Variants in ITPR2 observed in about 807,000 individuals in gnomAD.
ITPR2 encodes inositol 1,4,5-trisphosphate-gated calcium channel ITPR2.
Under a neutral mutation model 317.1 loss-of-function variants are expected in ITPR2, and 207 were observed. That is an observed-to-expected ratio of 0.65 (90% CI 0.58 to 0.73). ITPR2 has a LOEUF of 0.73. ITPR2 is among the 30% of genes least tolerant of loss of function. The pLI is 0.00. For missense variants in ITPR2, 2,613 were observed against 3,284.0 expected, an observed-to-expected ratio of 0.80 and a Z score of 4.99; for synonymous variants, 1,156 against 1,149.1, an observed-to-expected ratio of 1.01 and a Z score of -0.12.
intron 23 of ITPR2, among the ~76,000 whole-genome samples, chr12:26,626,358 T>C (rs1946625303): frequency 1.3e-5 from 2 of 152,282 alleles, no homozygotes; most frequent in South Asian, 4.1e-4. Flanking sequence ...GGAAAAATAA[T>C]TCTCCCCAGA....
At chr12:26,785,068 A>T (rs1308170305) in intron 2 of ITPR2, among the ~76,000 whole-genome samples, 1 of 32,168 alleles carries the variant, frequency 3.1e-5, no homozygotes, top group African/African-American at 7.6e-5. Flanking sequence ...TCTGCCTGGC[A>T]ACCGCCCCGT....
intron 11 of ITPR2, among the ~76,000 whole-genome samples, chr12:26,683,034 A>G (rs1948065201): frequency 6.6e-6 from 1 of 152,204 alleles, no homozygotes; most frequent in African/African-American, 2.4e-5. Context: ...GATGCATGCT[A>G]AACTAAGAAC....
At chr12:26,743,370 A>G (rs558081006) in intron 2 of ITPR2, among the ~76,000 whole-genome samples, 1 of 152,262 alleles carries the variant, frequency 6.6e-6, no homozygotes, top group South Asian at 2.1e-4. Flanking sequence ...ATATATACAT[A>G]CACACATATA....
chr12:26,681,207 G>A (rs569077320), intron 13 of ITPR2, among the ~76,000 whole-genome samples: 4 of 152,192 alleles, frequency 2.6e-5, no homozygotes, highest in South Asian at 4.1e-4. Flanking sequence ...GCTTACCCTC[G>A]TCAGTTTTCC....
chr12:26,415,979 A>C (rs1264270160), intron 50 of ITPR2, among the ~76,000 whole-genome samples: 2 of 152,172 alleles, frequency 1.3e-5, no homozygotes, highest in African/African-American at 4.8e-5. Context: ...TACTTAATCA[A>C]GGGATTAGAG....
intron 11 of ITPR2, among the ~76,000 whole-genome samples, chr12:26,684,854 A>C (rs979851582): frequency 6.6e-6 from 1 of 152,122 alleles, no homozygotes; most frequent in African/African-American, 2.4e-5. Flanking sequence ...GGATTGATTA[A>C]GGTCCCAGTC....
intron 23 of ITPR2, 22 bp from the exon 24 acceptor site, chr12:26,624,378 T>C: frequency 6.4e-7 from 1 of 1,565,930 alleles, no homozygotes; most frequent in Non-Finnish European, 8.8e-7. Flanking sequence ...AATGGTAAAA[T>C]CTCTTCTTTA....
At chr12:26,775,959 T>TATATACA (rs1263788006) in intron 2 of ITPR2, among the ~76,000 whole-genome samples, 1 of 145,088 alleles carries the variant, frequency 6.9e-6, no homozygotes, top group Admixed American at 6.9e-5. Context: ...TATATGTATA[T>TATATACA]CCTATTAGTT....
intron 37 of ITPR2, among the ~76,000 whole-genome samples, chr12:26,538,346 G>GA (rs111475733): frequency 0.15 from 22,065 of 143,970 alleles, 2,244 homozygotes; most frequent in Non-Finnish European, 0.24. Context: ...ACACCTTTTT[G>GA]AAAAAAAAAA....
chr12:26,470,264 A>G (rs1056536052), intron 45 of ITPR2, among the ~76,000 whole-genome samples: 1 of 152,166 alleles, frequency 6.6e-6, no homozygotes, highest in Non-Finnish European at 1.5e-5. Context: ...TCTTCTTATT[A>G]TTTTTGCATT....
intron 1 of ITPR2, among the ~76,000 whole-genome samples, chr12:26,810,733 G>A (rs1950721495): frequency 1.3e-5 from 2 of 152,220 alleles, no homozygotes; most frequent in African/African-American, 4.8e-5. Context: ...TCTTGACTTA[G>A]ACACATAACT....
chr12:26,687,579 C>G (rs937617763), intron 10 of ITPR2, among the ~76,000 whole-genome samples: 12 of 152,108 alleles, frequency 7.9e-5, no homozygotes, highest in Admixed American at 2.0e-4. Context: ...AGATATTACC[C>G]CTGATCATCC....
chr12:26,561,684 A>AT, intron 35 of ITPR2, 78 bp downstream of exon 35: 2 of 1,187,732 alleles, frequency 1.7e-6, no homozygotes, highest in South Asian at 1.7e-5. Flanking sequence ...ATTTTAAACC[A>AT]TATTTTATTT....
rs532426892 is a variant in ITPR2 at position 26,394,542 on chromosome 12, T to C, written c.7696+4334A>G. 2.6e-5 allele frequency among the ~76,000 whole-genome samples: 4 copies of C among 152,120 alleles called. No homozygotes were observed. In the South Asian group the frequency reaches 8.3e-4, roughly 32 times the overall value. On this transcript the variant is annotated intron_variant, in intron 54 of 56. Transcript: ENST00000381340. ...TCTGGGAAGTTAAAGGTAAGTAATG[T>C]AGTTGCCCTGGAACTTGAGCTATAA...
chr12:26,421,105 G>A (rs892238314), intron 49 of ITPR2, among the ~76,000 whole-genome samples: 2 of 151,948 alleles, frequency 1.3e-5, no homozygotes, highest in African/African-American at 4.8e-5. Context: ...CTATTTATAA[G>A]CTCCATATAC....
rs539725782 is a variant in ITPR2, at chr12:26,628,239, T to C, written c.2935-77A>G. On this transcript the variant is annotated intron_variant, in intron 22 of 56. Coordinates refer to ENST00000381340, the MANE Select transcript of ITPR2 (RefSeq NM_002223.4). ...AAAAATGCAATTCACAACACACCAA[T>C]AACAGTGGAAGTACCAACCTTTCAA... 9.0e-5 allele frequency: 99 copies of C among 1,103,764 alleles called. No homozygotes were observed. The African/African-American group carries it at 1.5e-3, about 16-fold the overall frequency. The allele number at this position is 1,103,764 out of a possible 1,614,324, so 68.4% of individuals were successfully genotyped here.
chr12:26,486,046 T>G, intron 41 of ITPR2, 58 bp downstream of exon 41: 1 of 1,573,588 alleles, frequency 6.4e-7, no homozygotes, highest in Non-Finnish European at 8.7e-7. Flanking sequence ...TTATTTGAAT[T>G]TAATTACTGA....
intron 50 of ITPR2, among the ~76,000 whole-genome samples, chr12:26,417,891 A>G (rs895968305): frequency 1.3e-5 from 2 of 152,194 alleles, no homozygotes; most frequent in Non-Finnish European, 2.9e-5. Context: ...AAAATTATAG[A>G]ATATTACATG....
chr12:26,439,210 T>G lies in ITPR2; in HGVS notation c.6560A>C (p.Asp2187Ala). Residue 2187 changes from aspartate (D) to alanine (A), a missense_variant, in exon 47 of 57, where the codon GAT becomes GCT. By Grantham distance (126) the Asp-to-Ala change is moderately radical. Transcript: ENST00000381340. ...KCRVFNTTER[D>A]EQGSKVNDFF... is the part of the protein sequence containing the mutation. ...GTCATTCACTTTACTTCCTTGTTCA[T>G]CCCTTTCAGTTGTATTGAACACACG... 6.2e-7 allele frequency: 1 copy of G among 1,612,550 alleles called. No individual in the cohort carries two copies. The highest frequency in any genetic ancestry group is 1.1e-5 in the South Asian group (1 of 90,902).
Sources: allele counts gnomAD v4.1 joint callset (sites outside exome capture counted in the v4.1 genomes callset), GRCh38; gene constraint gnomAD v4.1.1; transcripts MANE v1.5; gene names NCBI Gene and HGNC (gene_info 2026-07-23, HGNC 2026-07-21).